Variants in AGAP2 observed in about 807,000 individuals in gnomAD.
The protein encoded by AGAP2 is arf-GAP with GTPase, ANK repeat and PH domain-containing protein 2.
In AGAP2, 32 loss-of-function variants were observed where a neutral mutation model predicts 110.9. The observed-to-expected ratio is 0.29, with a 90% CI of 0.22 to 0.39. The LOEUF is 0.39. Ranked by LOEUF, AGAP2 falls within the 10% of genes least tolerant of loss-of-function variation. The pLI, the probability that AGAP2 is intolerant of heterozygous loss-of-function variation, is 1.00. For missense variants in AGAP2, 1,285 were observed against 1,638.5 expected (o/e 0.78, Z 3.72); for synonymous variants, 702 against 713.0 (o/e 0.98, Z 0.25).
In AGAP2 at chr12:57,738,336, C is replaced by T; in HGVS notation, c.-90G>A. The T allele has an allele frequency of 3.8e-6, 5 of 1,309,602 alleles. No individual in the cohort carries two copies. The highest frequency in any genetic ancestry group is 4.9e-6 in the Non-Finnish European group (5 of 1,030,484). The allele number at this position is 1,309,602 out of a possible 1,614,324, so 81.1% of individuals were successfully genotyped here. ...GGCCATGGGGCCGCCCTGCTCGCTG[C>T]CCCCAGCCCCCGGACCCCGCTGAGC... On this transcript the variant is annotated 5_prime_UTR_variant, in exon 1 of 19. Coordinates refer to ENST00000547588, the MANE Select transcript of AGAP2 (RefSeq NM_001122772.3). This position sits in a 1 kb window ranked among gnomAD's most constrained non-coding sequence, Gnocchi z 6.7.
chr12:57,742,120 G>T, upstream of AGAP2: 6 of 1,591,140 alleles, frequency 3.8e-6, 1 homozygote, highest in Non-Finnish European at 5.1e-6. Context: ...TGGCCCTGAG[G>T]CCCATGGCCC....
Position 57,729,678 on chromosome 12 carries a change from T to G in AGAP2, c.2518A>C (p.Thr840Pro), listed in dbSNP as rs750370756. Residue 840 changes from threonine to proline, a missense_variant, in exon 13 of 19, where the codon ACA (threonine) becomes CCA (proline). Thr to Pro is a conservative substitution (Grantham distance 38). Around this residue, in one of 7 missense-constraint regions of AGAP2, gnomAD observed 135 missense variants for 182.0 expected, o/e 0.74. Coordinates refer to ENST00000547588, the MANE Select transcript of AGAP2 (RefSeq NM_001122772.3). ...VKKQRRKKLT[T>P]PSKTEGSAGQ... ...GCCGAGCCTTCAGTCTTGGATGGTG[T>G]TGTCAATTTTTTCCTCCTCTGCTTC... The G allele has an allele frequency of 5.0e-6, 8 of 1,613,588 alleles. No individual in the cohort carries two copies. The highest frequency in any genetic ancestry group is 1.7e-5 in the Admixed American group (1 of 59,986).
Position 57,732,521 on chromosome 12 carries a change from A to T in AGAP2, c.1685-9T>A, listed in dbSNP as rs1954906415. ...CACCACCTTCTGGGCCACTGAGGGG[A>T]GTTGACGGAAGGAGGTGTGAGCAGG... On this transcript the variant is annotated splice_polypyrimidine_tract_variant and intron_variant, in intron 6 of 18. Coordinates refer to ENST00000547588, the MANE Select transcript of AGAP2 (RefSeq NM_001122772.3). The T allele has an allele frequency of 6.4e-7, 1 of 1,574,744 alleles. No homozygotes were observed.
intron 3 of AGAP2, 83 bp downstream of exon 3, chr12:57,734,509 G>A (rs1422839672): frequency 6.3e-7 from 1 of 1,586,762 alleles, no homozygotes; most frequent in Non-Finnish European, 8.7e-7. Flanking sequence ...TTCCCCCCTG[G>A]TCTCCACACC....
intron 13 of AGAP2, 137 bp downstream of exon 13, chr12:57,729,502 C>T: frequency 7.9e-7 from 1 of 1,271,764 alleles, no homozygotes; most frequent in South Asian, 1.5e-5. Context: ...CACTCTTTCA[C>T]TAAGTTGTGT....
At chr12:57,740,269 G>A (rs532808336), upstream of AGAP2, among the ~76,000 whole-genome samples, 3 of 152,240 alleles carry the variant, frequency 2.0e-5, no homozygotes, top group South Asian at 6.2e-4. Context: ...CCAGAGGCCT[G>A]TATCCAATCC....
At position 57,726,970 on chromosome 12, in the gene AGAP2, G is replaced by A; in HGVS notation, c.3336+4C>T. 6.4e-7 allele frequency: 1 copy of A among 1,564,900 alleles called. No homozygotes were observed. Among genetic ancestry groups the A allele is most frequent in the South Asian group, 1.2e-5 (1 of 86,288 alleles). ...ACCCCCTTTCCTCCCCCCAGCTCAC[G>A]TACCCACAGCAGCAGTTGCGTGATG... is the stretch of plus-strand genomic sequence containing the variant. On this transcript the variant is annotated splice_donor_region_variant and intron_variant, in intron 18 of 18. Transcript: ENST00000547588. This position sits in a 1 kb window ranked among gnomAD's most constrained non-coding sequence, Gnocchi z 5.7.
At chr12:57,736,843 A>C (rs1210280728) in intron 1 of AGAP2, among the ~76,000 whole-genome samples, 1 of 152,180 alleles carries the variant, frequency 6.6e-6, no homozygotes, top group Non-Finnish European at 1.5e-5. Context: ...TTTCCCAGAA[A>C]GCTCTGAGGC....
In AGAP2 at chr12:57,737,933, G is replaced by C. The variant is rs920299523; in HGVS notation, c.314C>G (p.Ser105Cys). ...PAPASPARPV[S>C]PAPGRRLSLW... ...GGAGAGGCGGCGGCCGGGAGCGGGG[G>C]AGACTGGGCGGGCCGGACTGGCCGG... Residue 105 changes from serine to cysteine, a missense_variant, in exon 1 of 19, where the codon TCC becomes TGC. Physicochemically the swap from Ser to Cys is moderately radical, Grantham distance 112. Transcript: ENST00000547588. The surrounding 1 kb of genome is among the most constrained non-coding windows in gnomAD (Gnocchi z 5.9). The C allele has an allele frequency of 7.2e-7, 1 of 1,392,246 alleles. No homozygotes were observed. The highest frequency in any genetic ancestry group is 9.2e-7 in the Non-Finnish European group (1 of 1,084,316). The allele number at this position is 1,392,246 out of a possible 1,614,324, so 86.2% of individuals were successfully genotyped here.
intron 1 of AGAP2, 142 bp downstream of exon 1, chr12:57,736,937 A>G (rs1954992880): frequency 1.3e-5 from 19 of 1,425,144 alleles, no homozygotes; most frequent in Middle Eastern, 1.8e-4. Flanking sequence ...CTTTGCCCCA[A>G]TCCTTGACAG....
rs776234860 is a variant in AGAP2 at position 57,737,774 on chromosome 12, C to T, written c.473G>A (p.Arg158Gln). 1.3e-6 allele frequency: 2 copies of T among 1,532,186 alleles called. No homozygotes were observed. Among genetic ancestry groups the T allele is most frequent in the Non-Finnish European group, 1.7e-6 (2 of 1,145,378 alleles). 94.9% of individuals were successfully genotyped at this position (1,532,186 alleles called of 1,614,324 possible). Residue 158 changes from arginine (R) to glutamine (Q), a missense_variant, in exon 1 of 19, where the codon CGG becomes CAG. Coordinates refer to ENST00000547588, the MANE Select transcript of AGAP2 (RefSeq NM_001122772.3). The surrounding 1 kb of genome is among the most constrained non-coding windows in gnomAD (Gnocchi z 5.9). ...TGAGCCAGGGATGCCGCCGCCCGCC[C>T]GGCCTTCGGGCTCCGGGCCGCCCCA... ...PSWGGPEPEG[R>Q]AGGGIPGSSS...
Position 57,734,575 on chromosome 12 carries a change from G to A in AGAP2, c.1315+17C>T. The stretch of plus-strand genomic sequence containing the variant: ...CTGACCCCAATGGTTAGCTTACTAT[G>A]GCTCTTCAGAACTCACTCTCTGTCT... On this transcript the variant is annotated intron_variant, in intron 3 of 18. Transcript: ENST00000547588. 6.2e-7 allele frequency: 1 copy of A among 1,613,646 alleles called. No individual in the cohort carries two copies. The highest frequency in any genetic ancestry group is 2.2e-5 in the East Asian group (1 of 44,888).
In AGAP2 at chr12:57,729,684, A is replaced by G; in HGVS notation, c.2512T>C (p.Leu838=). The G allele has an allele frequency of 3.7e-6, 6 of 1,613,532 alleles. No homozygotes were observed. Among genetic ancestry groups the G allele is most frequent in the Non-Finnish European group, 5.1e-6 (6 of 1,179,804 alleles). Residue 838 remains leucine, a synonymous_variant, in exon 13 of 19, where the codon TTG becomes CTG. Coordinates refer to ENST00000547588, the MANE Select transcript of AGAP2 (RefSeq NM_001122772.3). ...CCTTCAGTCTTGGATGGTGTTGTCA[A>G]TTTTTTCCTCCTCTGCTTCTTCACC... is the stretch of plus-strand genomic sequence containing the variant. ...PMVKKQRRKK[L]TTPSKTEGSA...
chr12:57,737,101 G>A lies in AGAP2; in HGVS notation c.1146C>T (p.Gly382=), dbSNP rs572669109. 5.1e-6 allele frequency: 8 copies of A among 1,553,520 alleles called. No homozygotes were observed. In the South Asian group the frequency reaches 8.4e-5, roughly 16 times the overall value. Residue 382 remains glycine, a synonymous_variant, in exon 1 of 19, where the codon GGC becomes GGT. Transcript: ENST00000547588. This position sits in a 1 kb window ranked among gnomAD's most constrained non-coding sequence, Gnocchi z 5.9. ...CACTAGGGGAAGCGCGGAGCTCGGC[G>A]CCCAGCAGCTCCCTGGACCCGCTGC... The part of the protein sequence containing the change: ...SSGSGSRELL[G]AELRASPKAV...
chr12:57,739,463 G>A (rs901667441), upstream of AGAP2, among the ~76,000 whole-genome samples: 6 of 152,140 alleles, frequency 3.9e-5, no homozygotes, highest in African/African-American at 2.4e-5. Context: ...CAGGGATGGG[G>A]ACAAACATGG....
At chr12:57,734,891 A>T (rs986379344) in intron 2 of AGAP2, among the ~76,000 whole-genome samples, 4 of 151,992 alleles carry the variant, frequency 2.6e-5, no homozygotes, top group African/African-American at 9.7e-5. Context: ...GTGTGGTAAG[A>T]AATGATCCCA....
chr12:57,727,867 C>G (rs1179004007), intron 15 of AGAP2, 70 bp downstream of exon 15: 3 of 1,604,346 alleles, frequency 1.9e-6, no homozygotes, highest in Non-Finnish European at 2.6e-6. Context: ...TCGGCCGTGT[C>G]GTTGCCAATG....
In AGAP2 at chr12:57,734,414, AG is replaced by A; in HGVS notation, c.1316-11del. 1 of 1,614,090 alleles carries A rather than the reference AG, an allele frequency of 6.2e-7. No individual in the cohort carries two copies. Among genetic ancestry groups the A allele is most frequent in the Non-Finnish European group, 8.5e-7 (1 of 1,179,914 alleles). On this transcript the variant is annotated splice_polypyrimidine_tract_variant and intron_variant, in intron 3 of 18. Transcript: ENST00000547588. ...TTCTTGTACTGCTCACCTGTCCAGA[AG>A]AGTTGGAAGGGGTAACAGGTCAGAG...
In AGAP2 at chr12:57,726,845, C is replaced by T. The variant is rs760056087; in HGVS notation, c.3337-51G>A. 7.0e-7 allele frequency: 1 copy of T among 1,434,510 alleles called. No individual in the cohort carries two copies. Among genetic ancestry groups the T allele is most frequent in the South Asian group, 1.5e-5 (1 of 68,066 alleles). 88.9% of individuals were successfully genotyped at this position (1,434,510 alleles called of 1,614,324 possible). A position where few individuals can be genotyped will look rare whatever the true frequency, so the allele number is the denominator to read the frequency against. On this transcript the variant is annotated intron_variant, in intron 18 of 18. Transcript: ENST00000547588. The surrounding 1 kb of genome is among the most constrained non-coding windows in gnomAD (Gnocchi z 5.7). ...CCGCGCGTCCCCAGGGCGCCCACAC[C>T]CGGCGCCGCCTCCCCCACATGGCCA...
Sources: allele counts gnomAD v4.1 joint callset (sites outside exome capture counted in the v4.1 genomes callset), GRCh38; gene constraint gnomAD v4.1.1; regional missense constraint gnomAD v4.1.1; non-coding constraint Gnocchi (gnomAD v3.1); transcripts MANE v1.5; gene names NCBI Gene and HGNC (gene_info 2026-07-23, HGNC 2026-07-21).